Variants in DNAJC18 observed in about 807,000 individuals in gnomAD.
The protein encoded by DNAJC18 is DnaJ heat shock protein family (Hsp40) member C18, also known as dnaJ homolog subfamily C member 18.
In DNAJC18, 40 loss-of-function variants were observed where a neutral mutation model predicts 48.6. The ratio of observed to expected loss-of-function variants is 0.82; its 90% CI spans 0.64 to 1.07. The LOEUF (loss-of-function observed/expected upper bound fraction) is 1.07. Among genes scored for constraint, DNAJC18 ranks in the 50% least tolerant of loss-of-function variants. DNAJC18 has a pLI of 0.00. For missense variants in DNAJC18, 340 were observed against 427.7 expected (o/e 0.79, Z 1.81); for synonymous variants, 135 against 152.2 (o/e 0.89, Z 0.83).
chr5:139,430,019 TTTAGA>T (rs1281287818), intron 2 of DNAJC18, among the ~76,000 whole-genome samples: 10 of 152,324 alleles, frequency 6.6e-5, no homozygotes, highest in Admixed American at 1.3e-4. Context: ...TAGACAGTAG[TTTAGA>T]TTAGAGTGGC....
chr5:139,438,894 C>A (rs923356639), intron 1 of DNAJC18, among the ~76,000 whole-genome samples: 2 of 152,202 alleles, frequency 1.3e-5, no homozygotes, highest in African/African-American at 4.8e-5. Context: ...AGCTAAGGGA[C>A]CCATGTCAGT....
In DNAJC18 at chr5:139,414,098, A is replaced by G; in HGVS notation, c.*50T>C. The stretch of plus-strand genomic sequence containing the variant: ...TATTATAAAATGGAATCAGGAACAT[A>G]AATAGGAACAAGTAGCAAAACCCCA... On this transcript the variant is annotated 3_prime_UTR_variant, in exon 8 of 8. Coordinates refer to ENST00000302060, the MANE Select transcript of DNAJC18 (RefSeq NM_152686.4). The G allele has an allele frequency of 3.2e-6, 5 of 1,584,018 alleles. No homozygotes were observed. Among genetic ancestry groups the G allele is most frequent in the Non-Finnish European group, 3.4e-6 (4 of 1,169,066 alleles).
chr5:139,419,269 A>C (rs928292568), intron 7 of DNAJC18: 1 of 387,154 alleles, frequency 2.6e-6, no homozygotes, highest in Non-Finnish European at 5.0e-6. Context: ...AGTGGGACCA[A>C]AGGTGAAGCT....
intron 5 of DNAJC18, 95 bp downstream of exon 5, chr5:139,424,910 A>C: frequency 9.7e-7 from 1 of 1,033,160 alleles, no homozygotes; most frequent in East Asian, 2.6e-5. Context: ...AAAGCAACAT[A>C]TCTCAGGTTC....
chr5:139,435,712 T>TTTTTTGTTG (rs1561470275), intron 2 of DNAJC18, among the ~76,000 whole-genome samples: 1 of 109,080 alleles, frequency 9.2e-6, no homozygotes. Flanking sequence ...GAAGTTTTTT[T>TTTTTTGTTG]TTTTTTTTTT....
intron 2 of DNAJC18, among the ~76,000 whole-genome samples, chr5:139,431,522 G>A (rs923336484): frequency 6.6e-6 from 1 of 152,154 alleles, no homozygotes. Context: ...CCATGTTGTA[G>A]CATGAATCTG....
chr5:139,434,385 G>A (rs1279280284), intron 2 of DNAJC18, among the ~76,000 whole-genome samples: 2 of 152,132 alleles, frequency 1.3e-5, no homozygotes, highest in African/African-American at 4.8e-5. Flanking sequence ...TTGCAGTAGG[G>A]TGATCATAGC....
At chr5:139,421,089 A>T (rs992229539) in intron 6 of DNAJC18, among the ~76,000 whole-genome samples, 3 of 152,186 alleles carry the variant, frequency 2.0e-5, no homozygotes, top group Non-Finnish European at 4.4e-5. Context: ...AAAGAAAGCT[A>T]AAGTGCCATA....
intron 2 of DNAJC18, among the ~76,000 whole-genome samples, chr5:139,430,682 G>T (rs1310878324): frequency 6.7e-6 from 1 of 150,108 alleles, no homozygotes; most frequent in Non-Finnish European, 1.5e-5. Flanking sequence ...TGATTCTCCT[G>T]CCTCAGCCTC....
At chr5:139,437,586 C>T (rs1210506866) in intron 1 of DNAJC18, 28 bp from the exon 2 acceptor site, 1 of 1,582,192 alleles carries the variant, frequency 6.3e-7, no homozygotes, top group African/African-American at 1.4e-5. Context: ...TCCATTAGGT[C>T]TCCATCTGAC....
chr5:139,432,976 G>A (rs942390703), intron 2 of DNAJC18, among the ~76,000 whole-genome samples: 1 of 152,144 alleles, frequency 6.6e-6, no homozygotes, highest in Non-Finnish European at 1.5e-5. Flanking sequence ...ACTTTTGTCT[G>A]CACTAAAAAG....
Position 139,420,110 on chromosome 5 carries a change from T to C in DNAJC18, c.895A>G (p.Ile299Val), listed in dbSNP as rs1581414547. 4 of 1,607,798 alleles carry C rather than the reference T, an allele frequency of 2.5e-6. No individual in the cohort carries two copies. The highest frequency in any genetic ancestry group is 1.3e-5 in the African/African-American group (1 of 74,530). Residue 299 changes from isoleucine (I) to valine (V), a missense_variant, in exon 7 of 8, where the codon ATA becomes GTA. Coordinates refer to ENST00000302060, the MANE Select transcript of DNAJC18 (RefSeq NM_152686.4). ...GASLHDLEKT[I>V]EKDYIDYIQT... The stretch of plus-strand genomic sequence containing the variant: ...ATATAATCAATGTAATCCTTCTCTA[T>C]TGTTTTCTCCAAGTCATGCAGAGAA...
rs1195185698 is a variant in DNAJC18 at position 139,412,426 on chromosome 5, A to G, written c.*1722T>C. ...CAGGCATGTGCCACCACACCTGGCT[A>G]ATTTTTGTATTATTAGTAGAGATGG... On this transcript the variant is annotated 3_prime_UTR_variant, in exon 8 of 8. Coordinates refer to ENST00000302060, the MANE Select transcript of DNAJC18 (RefSeq NM_152686.4). The G allele has an allele frequency of 3.8e-6, 1 of 261,080 alleles. No individual in the cohort carries two copies. The highest frequency in any genetic ancestry group is 2.2e-5 in the African/African-American group (1 of 44,988). The allele number at this position is 261,080 out of a possible 1,614,324, so 16.2% of individuals were successfully genotyped here.
rs1420278797 is a variant in DNAJC18 at position 139,411,503 on chromosome 5, G to A, written c.*2645C>T. On this transcript the variant is annotated 3_prime_UTR_variant, in exon 8 of 8. Transcript: ENST00000302060. ...GATCTTCCAAAGGACGTAGGCGAGA[G>A]GAAAAAGCTTATTTTACCACCATGC... 1.3e-5 allele frequency: 2 copies of A among 152,174 alleles called. No individual in the cohort carries two copies. The highest frequency in any genetic ancestry group is 4.8e-5 in the African/African-American group (2 of 41,446). The allele number at this position is 152,174 out of a possible 1,614,324, so 9.4% of individuals were successfully genotyped here.
At chr5:139,422,176 C>T (rs904904794) in intron 6 of DNAJC18, among the ~76,000 whole-genome samples, 2 of 152,068 alleles carry the variant, frequency 1.3e-5, no homozygotes, top group Admixed American at 6.6e-5. Context: ...GGGGACCAAA[C>T]TTTGGGAACT....
intron 2 of DNAJC18, among the ~76,000 whole-genome samples, chr5:139,431,890 A>G (rs545122414): frequency 1.3e-5 from 2 of 152,272 alleles, no homozygotes; most frequent in South Asian, 2.1e-4. Context: ...TCCAGTGGGT[A>G]TATCTCATTG....
At chr5:139,424,821 G>C (rs1481592070) in intron 5 of DNAJC18, among the ~76,000 whole-genome samples, 184 bp downstream of exon 5, 4 of 151,112 alleles carry the variant, frequency 2.6e-5, no homozygotes, top group African/African-American at 9.7e-5. Flanking sequence ...CAGAGGGAGG[G>C]GATACCATTC....
chr5:139,422,791 T>G lies in DNAJC18; in HGVS notation c.696A>C (p.Leu232=), dbSNP rs555118651. ...TAATCACAATCACAAGAACTGGAAG[T>G]AGCTGAATAAATGCAGAATATGTAG... ...PQTTYSAFIQ[L]LPVLVIVIIS... is the part of the protein sequence containing the mutation. The change falls in exon 6 of 8, where the codon CTA becomes CTC. Residue 232 remains leucine, a synonymous_variant. Transcript: ENST00000302060. The G allele has an allele frequency of 2.5e-6, 4 of 1,607,096 alleles. No individual in the cohort carries two copies. The African/African-American group carries it at 4.0e-5, about 16-fold the overall frequency.
At chr5:139,436,677 T>C (rs780063417) in intron 2 of DNAJC18, among the ~76,000 whole-genome samples, 4 of 151,848 alleles carry the variant, frequency 2.6e-5, no homozygotes, top group Admixed American at 6.6e-5. Context: ...CTAATTTTTG[T>C]ATATATATAT....
Sources: allele counts gnomAD v4.1 joint callset (sites outside exome capture counted in the v4.1 genomes callset), GRCh38; gene constraint gnomAD v4.1.1; transcripts MANE v1.5; gene names NCBI Gene and HGNC (gene_info 2026-07-23, HGNC 2026-07-21).